The following LDB2 variants were observed in gnomAD, a reference collection of about 807,000 sequenced individuals.
The protein encoded by LDB2 is LIM domain binding 2, also known as LIM domain-binding protein 2.
Under a neutral mutation model 44.3 loss-of-function variants are expected in LDB2, and 12 were observed. The observed-to-expected ratio is 0.27, with a 90% CI of 0.17 to 0.44. LDB2 has a LOEUF of 0.44. Ranked by LOEUF, LDB2 falls within the 20% of genes least tolerant of loss-of-function variation. The pLI is 1.00. For missense variants in LDB2, 344 were observed against 473.5 expected (o/e 0.73, Z 2.54); for synonymous variants, 164 against 174.8 (o/e 0.94, Z 0.49).
intron 1 of LDB2, among the ~76,000 whole-genome samples, chr4:16,766,242 G>T (rs1769174421): frequency 6.6e-6 from 1 of 151,572 alleles, no homozygotes. Context: ...TAATATACAT[G>T]CATGATTCCA....
intron 2 of LDB2, among the ~76,000 whole-genome samples, chr4:16,673,385 A>T (rs1578670621): frequency 6.6e-6 from 1 of 152,210 alleles, no homozygotes; most frequent in African/African-American, 2.4e-5. Context: ...GTAGAACTCC[A>T]AAGTCAAGGT....
intron 2 of LDB2, among the ~76,000 whole-genome samples, chr4:16,667,117 G>A (rs545975961): frequency 2.0e-5 from 3 of 152,306 alleles, no homozygotes; most frequent in East Asian, 3.9e-4. Context: ...GAGTGTGTGT[G>A]ATTTGCCAAA....
At chr4:16,674,267 C>T (rs747384857) in intron 2 of LDB2, 14 of 1,289,066 alleles carry the variant, frequency 1.1e-5, no homozygotes, top group South Asian at 4.9e-5. Flanking sequence ...CATCTGGTTC[C>T]GAATCCCCGA....
intron 2 of LDB2, among the ~76,000 whole-genome samples, chr4:16,705,339 T>C (rs573519531): frequency 1.2e-4 from 18 of 152,198 alleles, no homozygotes; most frequent in African/African-American, 3.6e-4. Context: ...TTTTCACCTA[T>C]TGAAGTTGGG....
intron 2 of LDB2, among the ~76,000 whole-genome samples, chr4:16,728,791 T>C (rs1760096659): frequency 6.6e-6 from 1 of 152,186 alleles, no homozygotes. Flanking sequence ...AGGACTTGTG[T>C]GAGATGATGG....
chr4:16,529,881 C>T, intron 5 of LDB2, among the ~76,000 whole-genome samples: 1 of 152,172 alleles, frequency 6.6e-6, no homozygotes, highest in South Asian at 2.1e-4. Flanking sequence ...GCTGCCCATT[C>T]AGGCATTGAG....
intron 1 of LDB2, among the ~76,000 whole-genome samples, chr4:16,822,923 A>G (rs1042686911): frequency 3.3e-5 from 5 of 152,218 alleles, no homozygotes; most frequent in Admixed American, 2.0e-4. Flanking sequence ...CAGGACCCCA[A>G]TTAAGCAGGT....
At chr4:16,885,857 A>T (rs1721521394) in intron 1 of LDB2, among the ~76,000 whole-genome samples, 1 of 152,232 alleles carries the variant, frequency 6.6e-6, no homozygotes, top group Non-Finnish European at 1.5e-5. Flanking sequence ...GCTAACGGTC[A>T]TTATAATAGT....
intron 2 of LDB2, among the ~76,000 whole-genome samples, chr4:16,675,790 T>G (rs1264719438): frequency 6.6e-6 from 1 of 152,202 alleles, no homozygotes; most frequent in Non-Finnish European, 1.5e-5. Context: ...CTGTGTATCT[T>G]TTCCCATTGC....
intron 2 of LDB2, among the ~76,000 whole-genome samples, chr4:16,661,119 T>C (rs759221723): frequency 4.6e-5 from 7 of 152,214 alleles, no homozygotes; most frequent in African/African-American, 1.2e-4. Flanking sequence ...ACACTCACCC[T>C]GTCCCCTCAT....
intron 1 of LDB2, among the ~76,000 whole-genome samples, chr4:16,791,804 T>A (rs1775817919): frequency 6.6e-6 from 1 of 152,160 alleles, no homozygotes; most frequent in South Asian, 2.1e-4. Context: ...GAATTGACCC[T>A]TCAGGTATCA....
In LDB2 at chr4:16,701,737, G is replaced by A. The variant is rs1000698176; in HGVS notation, c.235+57421C>T. On this transcript the variant is annotated intron_variant, in intron 2 of 7. Coordinates refer to ENST00000304523, the MANE Select transcript of LDB2 (RefSeq NM_001290.5). The stretch of plus-strand genomic sequence containing the variant: ...CGGCTTGTGGCGTTCAGGCTGGCTG[G>A]GATCTAGTCCTGTTCTAACACTGAG... 2.6e-5 allele frequency among the ~76,000 whole-genome samples: 4 copies of A among 152,254 alleles called. No homozygotes were observed. The East Asian group carries it at 7.7e-4, about 29-fold the overall frequency.
At chr4:16,864,109 G>GGA (rs1229933984) in intron 1 of LDB2, among the ~76,000 whole-genome samples, 3 of 151,918 alleles carry the variant, frequency 2.0e-5, no homozygotes, top group Non-Finnish European at 2.9e-5. Context: ...TGAGAGAGAG[G>GGA]GAGAGAGAGA....
chr4:16,592,503 T>TACACACAC (rs1437537917), intron 3 of LDB2, among the ~76,000 whole-genome samples: 2 of 129,956 alleles, frequency 1.5e-5, no homozygotes, highest in African/African-American at 6.1e-5. Context: ...TATATATATA[T>TACACACAC]ATACACACAC....
At chr4:16,768,455 A>C (rs1373445395) in intron 1 of LDB2, among the ~76,000 whole-genome samples, 2 of 152,154 alleles carry the variant, frequency 1.3e-5, no homozygotes, top group African/African-American at 2.4e-5. Context: ...GAAAGGATAA[A>C]TTTGCCTGAA....
intron 5 of LDB2, among the ~76,000 whole-genome samples, chr4:16,577,320 G>T (rs2152411073): frequency 6.6e-6 from 1 of 152,086 alleles, no homozygotes; most frequent in South Asian, 2.1e-4. Context: ...TCTTATATTT[G>T]GAAAAACTTA....
intron 1 of LDB2, among the ~76,000 whole-genome samples, chr4:16,890,997 TC>T (rs1290145491): frequency 1.3e-5 from 2 of 152,104 alleles, no homozygotes; most frequent in African/African-American, 4.8e-5. Flanking sequence ...GTCTTTATTT[TC>T]CCTAAGATTC....
At position 16,676,993 on chromosome 4, in the gene LDB2, C is replaced by A. The variant is rs150863609; in HGVS notation, c.236-81118G>T. ...GAGTCAAACAAGTTGAGATTGGATT[C>A]TTGGCCCCTCGCTTAAAAGCAGTGA... On this transcript the variant is annotated intron_variant, in intron 2 of 7. Transcript: ENST00000304523. Among the ~76,000 whole-genome samples the A allele has an allele frequency of 1.9e-3, 290 of 152,304 alleles. 2 individuals are homozygous for A. Among genetic ancestry groups the A allele is most frequent in the African/African-American group, 6.5e-3 (271 of 41,568 alleles).
chr4:16,676,970 G>A (rs1746503997), intron 2 of LDB2, among the ~76,000 whole-genome samples: 1 of 152,186 alleles, frequency 6.6e-6, no homozygotes, highest in Non-Finnish European at 1.5e-5. Flanking sequence ...TGGTATTTGA[G>A]TCAAACAAGT....
Sources: gnomAD v4.1 joint callset for allele counts (sites outside exome capture counted in the v4.1 genomes callset) on GRCh38, gnomAD v4.1.1 for gene constraint, MANE v1.5 for transcripts, NCBI Gene and HGNC (gene_info 2026-07-23, HGNC 2026-07-21) for gene names.